Variants in CAVIN1 observed in about 807,000 individuals in gnomAD.
The protein encoded by CAVIN1 is caveolae-associated protein 1.
CAVIN1 carries 16 observed loss-of-function variants against 24.0 expected under a neutral mutation model. That is an observed-to-expected ratio of 0.67 (90% CI 0.45 to 1.01). CAVIN1 has a LOEUF of 1.01. Ranked by LOEUF, CAVIN1 falls within the 50% of genes least tolerant of loss-of-function variation. CAVIN1 has a pLI of 0.00. For synonymous variants in CAVIN1, 256 were observed against 256.4 expected, an observed-to-expected ratio of 1.00 and a Z score of 0.02; for missense variants, 510 against 551.7, an observed-to-expected ratio of 0.92 and a Z score of 0.76.
rs908445900 is a variant in CAVIN1 at position 42,403,134 on chromosome 17, C to A, written c.*1553G>T. On this transcript the variant is annotated 3_prime_UTR_variant, in exon 2 of 2. Transcript: ENST00000357037. ...CTAGGATGGAGCACAGAGGCACCCT[C>A]ATAGCTCACTGCAGCCTCAAACTCC... The A allele has an allele frequency of 2.6e-5, 4 of 152,406 alleles. No homozygotes were observed. Among genetic ancestry groups the A allele is most frequent in the African/African-American group, 9.7e-5 (4 of 41,442 alleles). The allele number at this position is 152,406 out of a possible 1,614,324, so 9.4% of individuals were successfully genotyped here. A position where few individuals can be genotyped will look rare whatever the true frequency, so the allele number is the denominator to read the frequency against.
In CAVIN1 at chr17:42,404,636, A is replaced by G; in HGVS notation, c.*51T>C. ...AGCTCGAGCCGAGAGAGAATGCGAA[A>G]GAGGAAGTTCGGAAGGAGCGAGGAA... is the stretch of plus-strand genomic sequence containing the variant. On this transcript the variant is annotated 3_prime_UTR_variant, in exon 2 of 2. Coordinates refer to ENST00000357037, the MANE Select transcript of CAVIN1 (RefSeq NM_012232.6). The G allele has an allele frequency of 8.0e-7, 1 of 1,247,186 alleles. No homozygotes were observed. The highest frequency in any genetic ancestry group is 1.1e-6 in the Non-Finnish European group (1 of 950,102). The allele number at this position is 1,247,186 out of a possible 1,614,324, so 77.3% of individuals were successfully genotyped here.
In CAVIN1 at chr17:42,423,043, C is replaced by A. The variant is rs185645510; in HGVS notation, c.55G>T (p.Ala19Ser). The A allele has an allele frequency of 3.7e-6, 6 of 1,610,036 alleles. No homozygotes were observed. Among genetic ancestry groups the A allele is most frequent in the South Asian group, 2.2e-5 (2 of 90,780 alleles). Residue 19 changes from alanine (A) to serine (S), a missense_variant, in exon 1 of 2, where the codon GCC becomes TCC. By Grantham distance (99) the Ala-to-Ser change is moderately conservative. Coordinates refer to ENST00000357037, the MANE Select transcript of CAVIN1 (RefSeq NM_012232.6). ...VERPLPGYPD[A>S]EAPEPSSAGA... is the part of the protein sequence containing the mutation. ...GCGGAGGAAGGCTCCGGGGCCTCGG[C>A]GTCGGGGTACCCGGGAAGCGGCCGC... is the stretch of plus-strand genomic sequence containing the variant.
At chr17:42,407,386 CCA>C (rs367893724) in intron 1 of CAVIN1, among the ~76,000 whole-genome samples, 1 of 151,886 alleles carries the variant, frequency 6.6e-6, no homozygotes, top group South Asian at 2.1e-4. Context: ...CTCACTGACA[CCA>C]CACACACACA....
At chr17:42,411,192 C>A (rs1383803980) in intron 1 of CAVIN1, among the ~76,000 whole-genome samples, 387 of 46,538 alleles carry the variant, frequency 8.3e-3, no homozygotes, top group African/African-American at 0.018. Flanking sequence ...GACTATGTCT[C>A]AAAAAAAAAA....
Position 42,405,296 on chromosome 17 carries a change from C to A in CAVIN1, c.564G>T (p.Glu188Asp). 1 of 1,612,422 alleles carries A rather than the reference C, an allele frequency of 6.2e-7. No individual in the cohort carries two copies. Among genetic ancestry groups the A allele is most frequent in the Non-Finnish European group, 8.5e-7 (1 of 1,179,974 alleles). The part of the protein sequence containing the change: ...LPEKEGEELG[E>D]GERPEEDAAA... ...CTGCGTCCTCCTCGGGCCGCTCGCC[C>A]TCGCCCAGCTCCTCGCCCTCCTTCT... The change falls in exon 2 of 2, where the codon GAG becomes GAT. Residue 188 changes from glutamate (E) to aspartate (D), a missense_variant. Glu to Asp is a conservative substitution (Grantham distance 45). Transcript: ENST00000357037.
rs777711649 is a variant in CAVIN1 at position 42,405,269 on chromosome 17, C to T, written c.591G>A (p.Ala197=). The part of the protein sequence containing the change: ...GEGERPEEDA[A]ALELSSDEAV... ...CCTCGTCCGACGAAAGCTCCAGCGC[C>T]GCTGCGTCCTCCTCGGGCCGCTCGC... Residue 197 remains alanine (A), a synonymous_variant, in exon 2 of 2, where the codon GCG becomes GCA. Coordinates refer to ENST00000357037, the MANE Select transcript of CAVIN1 (RefSeq NM_012232.6). The T allele has an allele frequency of 1.5e-5, 25 of 1,613,238 alleles. No individual in the cohort carries two copies. In the African/African-American group the frequency reaches 2.9e-4, roughly 19 times the overall value.
chr17:42,423,013 C>A lies in CAVIN1; in HGVS notation c.85G>T (p.Ala29Ser), dbSNP rs1008285930. 4.3e-6 allele frequency: 7 copies of A among 1,612,748 alleles called. No homozygotes were observed. The highest frequency in any genetic ancestry group is 5.9e-6 in the Non-Finnish European group (7 of 1,179,692). ...CCCGACGGCTCCTCCGCTGCCTGAGCCCCAGCGGAGGAAGGCTCCGGGGCC... is the reference window on the plus strand; with the variant it reads ...CCCGACGGCTCCTCCGCTGCCTGAGACCCAGCGGAGGAAGGCTCCGGGGCC... Reference protein sequence around the residue: ...AEAPEPSSAGAQAAEEPSGAG... With the variant: ...AEAPEPSSAGSQAAEEPSGAG... The change falls in exon 1 of 2, where the codon GCT becomes TCT. Residue 29 changes from alanine to serine, a missense_variant. Transcript: ENST00000357037.
At chr17:42,415,440 C>T (rs1373254584) in intron 1 of CAVIN1, among the ~76,000 whole-genome samples, 4 of 152,152 alleles carry the variant, frequency 2.6e-5, no homozygotes, top group Admixed American at 6.6e-5. Flanking sequence ...AGGCCGGGTG[C>T]GGTGGCTCAC....
At chr17:42,406,212 A>G (rs9909871) in intron 1 of CAVIN1, among the ~76,000 whole-genome samples, 128,526 of 152,020 alleles carry the variant, frequency 0.85, 55,325 homozygotes, top group East Asian at 0.99. Flanking sequence ...AAATGGGCGG[A>G]GCGCCCTCTG....
At chr17:42,405,493 T>G in intron 1 of CAVIN1, 105 bp from the exon 2 acceptor site, 1 of 1,209,482 alleles carries the variant, frequency 8.3e-7, no homozygotes, top group East Asian at 2.3e-5. Context: ...CATGGGACGC[T>G]CGTGGTCCCC....
Position 42,422,792 on chromosome 17 carries a change from G to A in CAVIN1, c.306C>T (p.Thr102=). Residue 102 remains threonine (T), a synonymous_variant, in exon 1 of 2, where the codon ACC becomes ACT. Transcript: ENST00000357037. ...GCAGCTTGCTCACCGTATTGCTCGTGGTGGCGTGCGCCTTGCCCAGCTTGC... is the reference window on the plus strand; with the variant it reads ...GCAGCTTGCTCACCGTATTGCTCGTAGTGGCGTGCGCCTTGCCCAGCTTGC... ...ELSKLGKAHA[T]TSNTVSKLLE... 1 of 1,613,770 alleles carries A rather than the reference G, an allele frequency of 6.2e-7. No homozygotes were observed. The highest frequency in any genetic ancestry group is 8.5e-7 in the Non-Finnish European group (1 of 1,179,890).
At chr17:42,422,489 G>A (rs1261777300) in intron 1 of CAVIN1, 138 bp downstream of exon 1, 8 of 320,644 alleles carry the variant, frequency 2.5e-5, no homozygotes, top group Non-Finnish European at 4.8e-5. Context: ...CTCACCGGAA[G>A]GAGGGTGGAT....
At chr17:42,412,796 T>C (rs2085487806) in intron 1 of CAVIN1, among the ~76,000 whole-genome samples, 1 of 151,490 alleles carries the variant, frequency 6.6e-6, no homozygotes, top group Admixed American at 6.6e-5. Context: ...TTTATACTTT[T>C]AGTAGAGACC....
intron 1 of CAVIN1, among the ~76,000 whole-genome samples, chr17:42,422,216 C>T (rs1376536540): frequency 6.6e-6 from 1 of 152,172 alleles, no homozygotes; most frequent in Non-Finnish European, 1.5e-5. Flanking sequence ...CAGCGGACCC[C>T]AACGATCGCG....
At position 42,417,271 on chromosome 17, in the gene CAVIN1, T is replaced by C. The variant is rs2085517730; in HGVS notation, c.471+5356A>G. 1.3e-5 allele frequency among the ~76,000 whole-genome samples: 2 copies of C among 152,000 alleles called. 1 individual carries two copies. The highest frequency in any genetic ancestry group is 4.1e-4 in the South Asian group (2 of 4,826). On this transcript the variant is annotated intron_variant, in intron 1 of 1. Transcript: ENST00000357037. ...GAGTTCGAGACCAGCCTGGCCAACA[T>C]GGTGAAACCCTGTCTCTATTAAAAA...
Position 42,422,612 on chromosome 17 carries a change from G to C in CAVIN1, c.471+15C>G. The C allele has an allele frequency of 6.4e-7, 1 of 1,552,480 alleles. No individual in the cohort carries two copies. Among genetic ancestry groups the C allele is most frequent in the Non-Finnish European group, 8.7e-7 (1 of 1,146,882 alleles). On this transcript the variant is annotated intron_variant, in intron 1 of 1. Transcript: ENST00000357037. Reference sequence around the variant, plus strand: ...GGCGCGGGAGCTCTGGGCGCCTTCCGCCCTGTGGGCTCACCTGGTAGATCA... The same window carrying C: ...GGCGCGGGAGCTCTGGGCGCCTTCCCCCCTGTGGGCTCACCTGGTAGATCA...
intron 1 of CAVIN1, among the ~76,000 whole-genome samples, chr17:42,414,526 A>G (rs1192526865): frequency 2.0e-5 from 3 of 151,760 alleles, no homozygotes; most frequent in Non-Finnish European, 4.4e-5. Flanking sequence ...GGCACACATC[A>G]CTGTGCCTGG....
At position 42,423,115 on chromosome 17, in the gene CAVIN1, C is replaced by A. The variant is rs748486735; in HGVS notation, c.-18G>T. 5.9e-6 allele frequency: 9 copies of A among 1,516,864 alleles called. No homozygotes were observed. The South Asian group carries it at 7.4e-5, about 13-fold the overall frequency. The allele number at this position is 1,516,864 out of a possible 1,614,324, so 94.0% of individuals were successfully genotyped here. On this transcript the variant is annotated 5_prime_UTR_variant, in exon 1 of 2. Transcript: ENST00000357037. ...TCCTCCATGGCTACCCGGAGCCGTG[C>A]GGGACCGGCCGGGTGGGGCTGGAGC...
chr17:42,415,246 G>T (rs2085504997), intron 1 of CAVIN1, among the ~76,000 whole-genome samples: 1 of 152,176 alleles, frequency 6.6e-6, no homozygotes, highest in African/African-American at 2.4e-5. Flanking sequence ...GAAGGAGGGG[G>T]TGGGGAGCAG....
Sources: gnomAD v4.1 joint callset for allele counts (sites outside exome capture counted in the v4.1 genomes callset) on GRCh38, gnomAD v4.1.1 for gene constraint, MANE v1.5 for transcripts, NCBI Gene and HGNC (gene_info 2026-07-23, HGNC 2026-07-21) for gene names.